Variants in MAPK14 observed in about 807,000 individuals in gnomAD.
MAPK14 encodes CSAID-binding protein.
MAPK14 carries 16 observed loss-of-function variants against 49.6 expected under a neutral mutation model. The observed-to-expected ratio is 0.32, with a 90% CI of 0.22 to 0.49. The LOEUF (loss-of-function observed/expected upper bound fraction) is 0.49. MAPK14 is among the 20% of genes least tolerant of loss of function. The pLI is 0.99. For synonymous variants in MAPK14, 142 were observed against 158.0 expected (o/e 0.90, Z 0.76); for missense variants, 200 against 441.2 (o/e 0.45, Z 4.90).
rs536227274 is a variant in MAPK14, at chr6:36,029,979, A to G, written c.116+1706A>G. On this transcript the variant is annotated intron_variant, in intron 1 of 11. Transcript: ENST00000229794. ...ATTATATATATCTAGTTGATTTGCT[A>G]ATTTTCAAAGACGTATTTGGATCAT... Among the ~76,000 whole-genome samples the G allele has an allele frequency of 5.4e-4, 75 of 138,586 alleles. 1 individual carries two copies. The highest frequency in any genetic ancestry group is 1.2e-4 in the Non-Finnish European group (8 of 64,018). The allele number at this position is 138,586 out of a possible 152,430, so 90.9% of individuals were successfully genotyped here. A position where few individuals can be genotyped will look rare whatever the true frequency, so the allele number is the denominator to read the frequency against.
At chr6:36,035,435 T>G (rs555249136) in intron 1 of MAPK14, among the ~76,000 whole-genome samples, 12 of 152,130 alleles carry the variant, frequency 7.9e-5, no homozygotes, top group Non-Finnish European at 1.3e-4. Context: ...TAAGGCGTCC[T>G]TATTCCCTGA....
At chr6:36,101,006 CCTCTT>C (rs1481841088) in intron 9 of MAPK14, among the ~76,000 whole-genome samples, 2 of 152,308 alleles carry the variant, frequency 1.3e-5, no homozygotes, top group South Asian at 2.1e-4. Context: ...GTTTTCCCTT[CCTCTT>C]TTTATTTACA....
intron 8 of MAPK14, among the ~76,000 whole-genome samples, chr6:36,083,159 A>G (rs556910734): frequency 1.4e-4 from 21 of 152,304 alleles, no homozygotes; most frequent in African/African-American, 4.3e-4. Context: ...CCTTCTCTCA[A>G]TGGGACTGAC....
chr6:36,052,379 C>T (rs1157533833), intron 1 of MAPK14, among the ~76,000 whole-genome samples: 1 of 152,172 alleles, frequency 6.6e-6, no homozygotes, highest in Non-Finnish European at 1.5e-5. Flanking sequence ...TGGCTGCTTT[C>T]CTCATACAAC....
intron 9 of MAPK14, among the ~76,000 whole-genome samples, chr6:36,102,309 C>T (rs1180660621): frequency 6.7e-6 from 1 of 149,210 alleles, no homozygotes; most frequent in African/African-American, 2.5e-5. Flanking sequence ...GATCAGAAAG[C>T]TAATGAAAGA....
chr6:36,049,303 C>CTTTCCTTTCCT (rs1169845623), intron 1 of MAPK14, among the ~76,000 whole-genome samples: 3 of 152,126 alleles, frequency 2.0e-5, no homozygotes, highest in Non-Finnish European at 2.9e-5. Flanking sequence ...CCAAGATCTC[C>CTTTCCTTTCCT]TTTCCTTTCC....
At chr6:36,032,731 C>T (rs1188410452) in intron 1 of MAPK14, among the ~76,000 whole-genome samples, 2 of 152,240 alleles carry the variant, frequency 1.3e-5, no homozygotes, top group African/African-American at 4.8e-5. Context: ...CCATTCTCTC[C>T]TGGAACTTAC....
rs1293980181 is a variant in MAPK14, at chr6:36,059,363, G to A, written c.305+16G>A. The A allele has an allele frequency of 1.3e-6, 2 of 1,599,038 alleles. No homozygotes were observed. Among genetic ancestry groups the A allele is most frequent in the Non-Finnish European group, 8.6e-7 (1 of 1,166,982 alleles). On this transcript the variant is annotated intron_variant, in intron 3 of 11. Transcript: ENST00000229794. ...TCAATGATGTGTGAGTAAATTTTTTGCATTTGCCTTCCTGGTCTACAGAAT... is the reference window on the plus strand; with the variant it reads ...TCAATGATGTGTGAGTAAATTTTTTACATTTGCCTTCCTGGTCTACAGAAT...
At chr6:36,108,248 C>T (rs61764194) in intron 11 of MAPK14, 132 bp from the exon 12 acceptor site, 2 of 687,956 alleles carry the variant, frequency 2.9e-6, no homozygotes, top group African/African-American at 3.5e-5. Context: ...CTATTACATA[C>T]AAGCTGTGAG....
intron 1 of MAPK14, among the ~76,000 whole-genome samples, chr6:36,031,667 AGT>A (rs1294631930): frequency 6.6e-6 from 1 of 152,164 alleles, no homozygotes; most frequent in African/African-American, 2.4e-5. Flanking sequence ...GGCCTCCCAA[AGT>A]GCTGAGATTA....
At chr6:36,083,558 A>G (rs1764851455) in intron 8 of MAPK14, among the ~76,000 whole-genome samples, 1 of 152,344 alleles carries the variant, frequency 6.6e-6, no homozygotes, top group African/African-American at 2.4e-5. Flanking sequence ...AATTCCCTAC[A>G]GTGCAGACCC....
At chr6:36,068,721 G>A (rs545861062) in intron 3 of MAPK14, among the ~76,000 whole-genome samples, 3 of 152,210 alleles carry the variant, frequency 2.0e-5, no homozygotes, top group South Asian at 2.1e-4. Context: ...AGTGGGAGGT[G>A]GGGAGGAAGA....
At chr6:36,096,192 G>A in intron 9 of MAPK14, 126 bp downstream of exon 9, 1 of 668,090 alleles carries the variant, frequency 1.5e-6, no homozygotes, top group Non-Finnish European at 2.7e-6. Context: ...CTTCCCGGAT[G>A]AGTGAGGTAT....
At chr6:36,071,262 G>A (rs1262996957) in intron 3 of MAPK14, among the ~76,000 whole-genome samples, 1 of 152,034 alleles carries the variant, frequency 6.6e-6, no homozygotes, top group African/African-American at 2.4e-5. Context: ...AATCCCAGGA[G>A]GTGGAGGTTG....
At chr6:36,032,638 AAC>A (rs1329656871) in intron 1 of MAPK14, among the ~76,000 whole-genome samples, 1 of 152,234 alleles carries the variant, frequency 6.6e-6, no homozygotes, top group East Asian at 1.9e-4. Context: ...CTGTTTATTC[AAC>A]AGTGTTTATT....
chr6:36,044,061 C>T (rs142802448), intron 1 of MAPK14, among the ~76,000 whole-genome samples: 1,998 of 152,126 alleles, frequency 0.013, 21 homozygotes, highest in South Asian at 0.039. Context: ...CTGCCCACCT[C>T]GGCCTCCCAA....
chr6:36,058,111 T>C (rs912389940), intron 2 of MAPK14, among the ~76,000 whole-genome samples: 28 of 152,158 alleles, frequency 1.8e-4, no homozygotes, highest in Admixed American at 1.7e-3. Context: ...CTCTTTGCTT[T>C]ATCCCTGTGT....
At position 36,057,575 on chromosome 6, in the gene MAPK14, C is replaced by T. The variant is rs1231628003; in HGVS notation, c.247-1714C>T. ...GCTTTTAAAAAGTGACATTTGGAGT[C>T]GGGCGTGGTGGTGCATGCCTGTTAT... On this transcript the variant is annotated intron_variant, in intron 2 of 11. Transcript: ENST00000229794. Among the ~76,000 whole-genome samples, 11 of 152,134 alleles carry T rather than the reference C, an allele frequency of 7.2e-5. No homozygotes were observed. The South Asian group carries it at 1.9e-3, about 26-fold the overall frequency.
In MAPK14 at chr6:36,028,130, C is replaced by G. The variant is rs1762380822; in HGVS notation, c.-28C>G. 1.9e-6 allele frequency: 3 copies of G among 1,559,968 alleles called. No individual in the cohort carries two copies. The highest frequency in any genetic ancestry group is 1.4e-5 in the African/African-American group (1 of 73,804). ...GCAGGCGGGGGCCCCACAGGGCCAC[C>G]TTCTTGCCCGGCGGCTGCCGCTGGA... On this transcript the variant is annotated 5_prime_UTR_variant, in exon 1 of 12. Coordinates refer to ENST00000229794, the MANE Select transcript of MAPK14 (RefSeq NM_139012.3). This position sits in a 1 kb window ranked among gnomAD's most constrained non-coding sequence, Gnocchi z 5.1.
Sources: gnomAD v4.1 joint callset for allele counts (sites outside exome capture counted in the v4.1 genomes callset) on GRCh38, gnomAD v4.1.1 for gene constraint, Gnocchi (gnomAD v3.1) non-coding constraint, MANE v1.5 for transcripts, NCBI Gene and HGNC (gene_info 2026-07-23, HGNC 2026-07-21) for gene names.